ITGB3BP: variants seen among roughly 807,000 people sequenced by gnomAD.
The protein encoded by ITGB3BP is centromere protein R.
In ITGB3BP, 27 loss-of-function variants were observed where a neutral mutation model predicts 29.1. The ratio of observed to expected loss-of-function variants is 0.93; its 90% CI spans 0.68 to 1.28. The LOEUF (loss-of-function observed/expected upper bound fraction) is 1.28. ITGB3BP is among the 50% of genes most tolerant of loss of function. The pLI is 0.00. For synonymous variants in ITGB3BP, 61 were observed against 61.4 expected (o/e 0.99, Z 0.03); for missense variants, 192 against 200.2 (o/e 0.96, Z 0.25).
chr1:63,506,442 C>T (rs1485083691), intron 2 of ITGB3BP, among the ~76,000 whole-genome samples: 1 of 152,118 alleles, frequency 6.6e-6, no homozygotes, highest in Non-Finnish European at 1.5e-5. Context: ...GCCTTATTCA[C>T]TACCACGAGG....
intron 3 of ITGB3BP, among the ~76,000 whole-genome samples, chr1:63,488,749 T>G (rs1645582494): frequency 6.6e-6 from 1 of 152,080 alleles, no homozygotes; most frequent in Admixed American, 6.6e-5. Context: ...TGCAGTCTGA[T>G]GAATAACTAG....
At chr1:63,523,313 C>T (rs991836260), upstream of ITGB3BP, 6 of 764,054 alleles carry the variant, frequency 7.9e-6, no homozygotes, top group Non-Finnish European at 1.3e-5. Flanking sequence ...TGTGCGCGAG[C>T]AAAGGAGCGA....
chr1:63,518,715 T>G (rs551576737), intron 1 of ITGB3BP, among the ~76,000 whole-genome samples: 27 of 152,260 alleles, frequency 1.8e-4, no homozygotes, highest in African/African-American at 6.5e-4. Context: ...GCACTTAAAC[T>G]TGTAATTATC....
intron 4 of ITGB3BP, among the ~76,000 whole-genome samples, chr1:63,466,645 A>C (rs1369926101): frequency 6.6e-6 from 1 of 152,258 alleles, no homozygotes; most frequent in Admixed American, 6.5e-5. Context: ...GATAAAACAA[A>C]GGCAAAAAGT....
chr1:63,473,164 G>C (rs542520925), intron 4 of ITGB3BP, among the ~76,000 whole-genome samples: 1 of 151,596 alleles, frequency 6.6e-6, no homozygotes, highest in Non-Finnish European at 1.5e-5. Context: ...CTGCTGGGCC[G>C]CAACCCTGTC....
At chr1:63,448,000 T>TA (rs1333755974) in intron 7 of ITGB3BP, among the ~76,000 whole-genome samples, 7 of 151,788 alleles carry the variant, frequency 4.6e-5, no homozygotes, top group African/African-American at 1.7e-4. Flanking sequence ...TATGAAGCCA[T>TA]AAAAAATGGT....
At chr1:63,444,613 TCTC>T (rs1644768220) in intron 8 of ITGB3BP, among the ~76,000 whole-genome samples, 1 of 111,400 alleles carries the variant, frequency 9.0e-6, no homozygotes, top group Non-Finnish European at 2.1e-5. Context: ...TATATATATA[TCTC>T]CTATTACATA....
intron 4 of ITGB3BP, among the ~76,000 whole-genome samples, chr1:63,475,376 C>CA (rs1259643325): frequency 6.6e-6 from 1 of 151,994 alleles, no homozygotes; most frequent in Non-Finnish European, 1.5e-5. Flanking sequence ...GGCAACATGG[C>CA]AAGAAAACAT....
intron 3 of ITGB3BP, among the ~76,000 whole-genome samples, chr1:63,488,300 A>G (rs1645571609): frequency 6.6e-6 from 1 of 152,006 alleles, no homozygotes; most frequent in Non-Finnish European, 1.5e-5. Flanking sequence ...AAAGTAGTGT[A>G]AAAAAGGGGT....
chr1:63,503,092 T>A (rs1288836844), intron 2 of ITGB3BP, among the ~76,000 whole-genome samples: 1 of 152,206 alleles, frequency 6.6e-6, no homozygotes, highest in Non-Finnish European at 1.5e-5. Context: ...ATCGCCACAC[T>A]GACTTCCACA....
At chr1:63,448,961 T>C (rs1275848562) in intron 7 of ITGB3BP, among the ~76,000 whole-genome samples, 1 of 152,194 alleles carries the variant, frequency 6.6e-6, no homozygotes, top group East Asian at 1.9e-4. Context: ...CAAATGTGTA[T>C]GAGTCAGTGA....
intron 2 of ITGB3BP, among the ~76,000 whole-genome samples, chr1:63,493,567 TTTTTATAA>T (rs1312396122): frequency 6.6e-6 from 1 of 152,168 alleles, no homozygotes; most frequent in Non-Finnish European, 1.5e-5. Context: ...GCTACTGTAC[TTTTTATAA>T]GGAGGTCTAA....
chr1:63,489,952 T>C (rs1645610775), intron 3 of ITGB3BP, 131 bp downstream of exon 3: 2 of 739,536 alleles, frequency 2.7e-6, no homozygotes, highest in Admixed American at 3.1e-5. Flanking sequence ...ATACCTATAT[T>C]AAGGTATTAA....
chr1:63,517,597 T>A (rs1409346233), intron 1 of ITGB3BP, among the ~76,000 whole-genome samples: 2 of 152,168 alleles, frequency 1.3e-5, no homozygotes, highest in South Asian at 4.1e-4. Context: ...AATATATTGA[T>A]CTTTGTACAC....
chr1:63,477,693 C>G (rs1175591798), intron 4 of ITGB3BP, among the ~76,000 whole-genome samples: 1 of 150,084 alleles, frequency 6.7e-6, no homozygotes, highest in African/African-American at 2.5e-5. Flanking sequence ...GTGCTCCAGG[C>G]TGGGCAACAG....
chr1:63,478,877 A>T (rs1411960957), intron 3 of ITGB3BP, 44 bp from the exon 4 acceptor site: 1 of 690,830 alleles, frequency 1.4e-6, no homozygotes, highest in Non-Finnish European at 2.3e-6. Context: ...TTAAAGGAGA[A>T]ATCATCAAAT....
chr1:63,498,020 T>C (rs745632058), intron 2 of ITGB3BP, among the ~76,000 whole-genome samples: 3 of 151,756 alleles, frequency 2.0e-5, no homozygotes, highest in African/African-American at 7.3e-5. Context: ...ATTATAAACA[T>C]AAACATATCT....
At chr1:63,526,317 T>C (rs997533222), upstream of ITGB3BP, among the ~76,000 whole-genome samples, 1 of 152,182 alleles carries the variant, frequency 6.6e-6, no homozygotes, top group Non-Finnish European at 1.5e-5. Context: ...TTTGGTTCTT[T>C]CCAGGAGTAT....
At chr1:63,462,876 T>C (rs1570153062) in intron 4 of ITGB3BP, among the ~76,000 whole-genome samples, 1 of 152,188 alleles carries the variant, frequency 6.6e-6, no homozygotes, top group South Asian at 2.1e-4. Context: ...AAAGATTTTA[T>C]TTGGGTTAGT....
Sources: gnomAD v4.1 joint callset for allele counts (sites outside exome capture counted in the v4.1 genomes callset) on GRCh38, gnomAD v4.1.1 for gene constraint, MANE v1.5 for transcripts, NCBI Gene and HGNC (gene_info 2026-07-23, HGNC 2026-07-21) for gene names.